NAF1: variants seen among roughly 807,000 people sequenced by gnomAD.
The protein encoded by NAF1 is nuclear assembly factor 1 ribonucleoprotein.
A neutral mutation model predicts 40.6 loss-of-function variants in NAF1; 11 were observed. That is an observed-to-expected ratio of 0.27 (90% CI 0.17 to 0.45). NAF1 has a LOEUF of 0.45. NAF1 is among the 20% of genes least tolerant of loss of function. The pLI is 1.00. For missense variants in NAF1, 607 were observed against 611.1 expected, an observed-to-expected ratio of 0.99 and a Z score of 0.07; for synonymous variants, 260 against 228.5, an observed-to-expected ratio of 1.14 and a Z score of -1.24.
chr4:163,140,402 G>A lies in NAF1; in HGVS notation c.718-19C>T. Reference sequence around the variant, plus strand: ...CGAATATCTGTAATAGAAACATAAAGGCCTCTTTTAACATGTAAAATAACT... The same window carrying A: ...CGAATATCTGTAATAGAAACATAAAAGCCTCTTTTAACATGTAAAATAACT... On this transcript the variant is annotated intron_variant, in intron 4 of 7. Coordinates refer to ENST00000274054, the MANE Select transcript of NAF1 (RefSeq NM_138386.3). The A allele has an allele frequency of 6.3e-7, 1 of 1,576,546 alleles. No homozygotes were observed.
chr4:163,113,594 A>G (rs1020753712), intron 2 of NAF1, among the ~76,000 whole-genome samples: 1 of 81,468 alleles, frequency 1.2e-5, no homozygotes, highest in African/African-American at 4.6e-5. Flanking sequence ...CTGCAGCTAC[A>G]GGAGATATTT....
intron 2 of NAF1, among the ~76,000 whole-genome samples, chr4:163,148,927 T>C (rs954679732): frequency 6.6e-6 from 1 of 152,136 alleles, no homozygotes; most frequent in Non-Finnish European, 1.5e-5. Flanking sequence ...AAGAGTTGAA[T>C]GGCCTCTTCA....
chr4:163,148,272 T>C (rs552285495), intron 3 of NAF1, 69 bp downstream of exon 3: 1 of 965,420 alleles, frequency 1.0e-6, no homozygotes, highest in Non-Finnish European at 1.5e-6. Flanking sequence ...TTACTAGTCA[T>C]AAAAGTCATT....
chr4:163,155,718 T>G (rs1422141817), intron 2 of NAF1, among the ~76,000 whole-genome samples: 1 of 152,146 alleles, frequency 6.6e-6, no homozygotes, highest in African/African-American at 2.4e-5. Flanking sequence ...TCCTCAGATA[T>G]AAAATCTCCT....
chr4:163,148,277 G>T, intron 3 of NAF1, 64 bp downstream of exon 3: 1 of 983,580 alleles, frequency 1.0e-6, no homozygotes, highest in Non-Finnish European at 1.5e-6. Context: ...AGTCATAAAA[G>T]TCATTGATTC....
chr4:163,140,693 A>T (rs1579156757), intron 4 of NAF1, among the ~76,000 whole-genome samples: 1 of 152,204 alleles, frequency 6.6e-6, no homozygotes, highest in Non-Finnish European at 1.5e-5. Flanking sequence ...TGATTTTTTT[A>T]AATTATTGCT....
chr4:163,149,988 G>C (rs894379958), intron 2 of NAF1, among the ~76,000 whole-genome samples: 17 of 152,052 alleles, frequency 1.1e-4, no homozygotes, highest in African/African-American at 3.6e-4. Context: ...AATGTCATTT[G>C]CTAATCCAGA....
At chr4:163,153,691 G>A (rs1212408314) in intron 2 of NAF1, among the ~76,000 whole-genome samples, 5 of 152,142 alleles carry the variant, frequency 3.3e-5, no homozygotes, top group Admixed American at 1.3e-4. Context: ...CTCAGGGATT[G>A]TAAACCCACC....
chr4:163,135,842 G>C (rs547886058), intron 6 of NAF1: 2 of 152,138 alleles, frequency 1.3e-5, no homozygotes, highest in South Asian at 4.1e-4. Flanking sequence ...AATATGATTT[G>C]AGATGTTTAT....
Position 163,148,411 on chromosome 4 carries a change from G to T in NAF1, c.564C>A (p.Leu188=). ...LLNELPSVEE[L]TIILPEDIEL... ...CAATATCTTCAGGCAGAATAATAGT[G>T]AGTTCTTCAACAGAAGGCAGTTCCT... The change falls in exon 3 of 8, where the codon CTC becomes CTA. Residue 188 remains leucine, a synonymous_variant. Transcript: ENST00000274054. 1 of 1,583,596 alleles carries T rather than the reference G, an allele frequency of 6.3e-7. No homozygotes were observed.
chr4:163,165,473 G>A (rs1732414360), intron 1 of NAF1, among the ~76,000 whole-genome samples: 2 of 152,136 alleles, frequency 1.3e-5, no homozygotes, highest in African/African-American at 2.4e-5. Context: ...TGATTATACT[G>A]CAATCTTAGT....
downstream of NAF1, among the ~76,000 whole-genome samples, chr4:163,107,906 C>T (rs1277756458): frequency 6.6e-6 from 1 of 152,166 alleles, no homozygotes; most frequent in Non-Finnish European, 1.5e-5. Flanking sequence ...AACTTTCCAC[C>T]TTCCAATAAT....
At chr4:163,161,287 AC>A (rs1333422430) in intron 2 of NAF1, among the ~76,000 whole-genome samples, 2 of 152,190 alleles carry the variant, frequency 1.3e-5, no homozygotes, top group African/African-American at 4.8e-5. Flanking sequence ...AGCCTGGCCA[AC>A]ATGGCAAAAC....
Position 163,145,847 on chromosome 4 carries a change from T to A in NAF1, c.652A>T (p.Thr218Ser), listed in dbSNP as rs769939610. Residue 218 changes from threonine to serine, a missense_variant, in exon 4 of 8, where the codon ACT (threonine) becomes TCT (serine). Physicochemically the swap from Thr to Ser is moderately conservative, Grantham distance 58. Around this residue, in one of 3 missense-constraint regions of NAF1, gnomAD observed 407 missense variants for 365.5 expected, o/e 1.11. Coordinates refer to ENST00000274054, the MANE Select transcript of NAF1 (RefSeq NM_138386.3). The part of the protein sequence containing the change: ...IEQLVIIESM[T>S]NLPPVNEETV... ...TCCTCATTAACTGGAGGTAGGTTAG[T>A]CATAGATTCAATTATTACTGAAAAA... 1 of 1,531,554 alleles carries A rather than the reference T, an allele frequency of 6.5e-7. No homozygotes were observed. The highest frequency in any genetic ancestry group is 1.2e-5 in the South Asian group (1 of 84,850). The allele number at this position is 1,531,554 out of a possible 1,614,324, so 94.9% of individuals were successfully genotyped here. A position where few individuals can be genotyped will look rare whatever the true frequency, so the allele number is the denominator to read the frequency against.
chr4:163,139,197 T>C (rs982385380), intron 5 of NAF1, among the ~76,000 whole-genome samples: 1 of 152,140 alleles, frequency 6.6e-6, no homozygotes, highest in Admixed American at 6.5e-5. Context: ...TTTGACATAA[T>C]ACCAAAGTTA....
At chr4:163,140,443 A>T (rs750175396) in intron 4 of NAF1, 60 bp from the exon 5 acceptor site, 1 of 1,445,260 alleles carries the variant, frequency 6.9e-7, no homozygotes, top group East Asian at 2.3e-5. Context: ...AAAAGTCAGC[A>T]GTGTTTTCTT....
chr4:163,105,501 G>A (rs545922813), downstream of NAF1, among the ~76,000 whole-genome samples: 12 of 152,246 alleles, frequency 7.9e-5, no homozygotes, highest in Middle Eastern at 3.4e-3. Flanking sequence ...CTAAAAATGC[G>A]TCAGCTATTT....
At chr4:163,123,257 C>T (rs1406595363), downstream of NAF1, among the ~76,000 whole-genome samples, 5 of 152,172 alleles carry the variant, frequency 3.3e-5, no homozygotes, top group Non-Finnish European at 7.3e-5. Flanking sequence ...AGAACTCACA[C>T]ATTACCATGG....
chr4:163,154,657 G>A (rs922078725), intron 2 of NAF1, among the ~76,000 whole-genome samples: 107 of 152,266 alleles, frequency 7.0e-4, no homozygotes, highest in African/African-American at 2.2e-3. Context: ...CGGATCCTGA[G>A]GTCAGGAGTC....
Sources: gnomAD v4.1 joint callset for allele counts (sites outside exome capture counted in the v4.1 genomes callset) on GRCh38, gnomAD v4.1.1 for gene constraint, gnomAD v4.1.1 regional missense constraint, MANE v1.5 for transcripts, NCBI Gene and HGNC (gene_info 2026-07-23, HGNC 2026-07-21) for gene names.